The following GLRX3 variants were observed in gnomAD, a reference collection of about 807,000 sequenced individuals.
The protein encoded by GLRX3 is glutaredoxin-3.
A neutral mutation model predicts 49.5 loss-of-function variants in GLRX3; 22 were observed. The ratio of observed to expected loss-of-function variants is 0.44; its 90% CI spans 0.32 to 0.63. The LOEUF (loss-of-function observed/expected upper bound fraction) is 0.63. GLRX3 is among the 30% of genes least tolerant of loss of function. GLRX3 has a pLI of 0.05. For synonymous variants in GLRX3, 133 were observed against 140.0 expected, an observed-to-expected ratio of 0.95 and a Z score of 0.35; for missense variants, 385 against 396.3, an observed-to-expected ratio of 0.97 and a Z score of 0.24.
intron 10 of GLRX3, among the ~76,000 whole-genome samples, chr10:130,178,853 G>A (rs556882027): frequency 2.6e-5 from 4 of 151,988 alleles, no homozygotes; most frequent in Non-Finnish European, 5.9e-5. Flanking sequence ...ACAGGTGCCC[G>A]CCACCATGCC....
intron 7 of GLRX3, among the ~76,000 whole-genome samples, chr10:130,169,887 T>C (rs1317421932): frequency 1.3e-5 from 2 of 152,230 alleles, no homozygotes; most frequent in African/African-American, 4.8e-5. Flanking sequence ...GATCGTCCTT[T>C]TGTGACAGTG....
At chr10:130,162,273 A>C (rs1264976712) in intron 4 of GLRX3, among the ~76,000 whole-genome samples, 1 of 152,198 alleles carries the variant, frequency 6.6e-6, no homozygotes, top group Admixed American at 6.6e-5. Context: ...GTGAGCCACC[A>C]TGAATTCTGT....
At position 130,169,444 on chromosome 10, in the gene GLRX3, T is replaced by C; in HGVS notation, c.725T>C (p.Leu242Pro). Residue 242 changes from leucine (L) to proline (P), a missense_variant, in exon 7 of 11, where the codon CTG becomes CCG. Transcript: ENST00000331244. ...TTTTCTCTCTTTAGGCTCAAAGTGCTGACAAATAAAGCTTCTGTGATGCTC... is the reference window on the plus strand; with the variant it reads ...TTTTCTCTCTTTAGGCTCAAAGTGCCGACAAATAAAGCTTCTGTGATGCTC... The part of the protein sequence containing the change: ...APKLEERLKV[L>P]TNKASVMLFM... 6.2e-7 allele frequency: 1 copy of C among 1,610,382 alleles called. No individual in the cohort carries two copies. The highest frequency in any genetic ancestry group is 8.5e-7 in the Non-Finnish European group (1 of 1,176,564).
intron 10 of GLRX3, 78 bp from the exon 11 acceptor site, chr10:130,179,261 CATA>C (rs1178108536): frequency 2.8e-6 from 2 of 702,580 alleles, no homozygotes; most frequent in Non-Finnish European, 5.0e-6. Flanking sequence ...CTCAGATATA[CATA>C]CAAGCTGTGA....
intron 1 of GLRX3, among the ~76,000 whole-genome samples, chr10:130,138,076 G>A (rs930655432): frequency 2.0e-5 from 3 of 152,012 alleles, no homozygotes; most frequent in African/African-American, 7.2e-5. Flanking sequence ...GTTTGTTTTC[G>A]AGACAGGCTG....
chr10:130,176,419 CAAAAT>C, intron 10 of GLRX3, among the ~76,000 whole-genome samples: 1 of 152,226 alleles, frequency 6.6e-6, no homozygotes, highest in Non-Finnish European at 1.5e-5. Flanking sequence ...CGCGCCTGGC[CAAAAT>C]AAAAGTTTTT....
chr10:130,149,634 T>C (rs537001096), intron 2 of GLRX3, among the ~76,000 whole-genome samples: 73 of 152,224 alleles, frequency 4.8e-4, no homozygotes, highest in Admixed American at 9.2e-4. Context: ...TTGTTTGATA[T>C]AATCTTCCAA....
chr10:130,155,485 A>G (rs542799600), intron 2 of GLRX3, among the ~76,000 whole-genome samples: 1 of 152,262 alleles, frequency 6.6e-6, no homozygotes, highest in South Asian at 2.1e-4. Context: ...GTGGGATTAT[A>G]TTTTGGAAGG....
At chr10:130,171,152 A>AT (rs1366354506) in intron 7 of GLRX3, among the ~76,000 whole-genome samples, 6 of 151,952 alleles carry the variant, frequency 3.9e-5, no homozygotes, top group African/African-American at 1.4e-4. Context: ...AAATAAATAA[A>AT]ATAAAAAGAA....
chr10:130,161,968 G>A (rs530300996), intron 4 of GLRX3, among the ~76,000 whole-genome samples: 1 of 152,198 alleles, frequency 6.6e-6, no homozygotes, highest in East Asian at 1.9e-4. Flanking sequence ...TAAAAATAAA[G>A]TTTCATGATG....
At chr10:130,137,194 G>A (rs542623313) in intron 1 of GLRX3, among the ~76,000 whole-genome samples, 1 of 152,328 alleles carries the variant, frequency 6.6e-6, no homozygotes, top group Admixed American at 6.5e-5. Context: ...TGTAGTGAGA[G>A]TCTGTTCAGA....
intron 10 of GLRX3, among the ~76,000 whole-genome samples, chr10:130,175,646 G>A (rs1862902816): frequency 6.6e-6 from 1 of 152,224 alleles, no homozygotes; most frequent in Admixed American, 6.5e-5. Context: ...TATTTTAGGA[G>A]TTCAGTAAAT....
chr10:130,155,420 C>T (rs1226539292), intron 2 of GLRX3, among the ~76,000 whole-genome samples: 1 of 152,140 alleles, frequency 6.6e-6, no homozygotes, highest in African/African-American at 2.4e-5. Flanking sequence ...GAAGCAGGTA[C>T]CCCAGTTAGG....
chr10:130,148,846 C>G (rs1862317580), intron 2 of GLRX3, among the ~76,000 whole-genome samples: 2 of 151,824 alleles, frequency 1.3e-5, no homozygotes. Context: ...GAGGATTGTT[C>G]AAGGACAGGA....
chr10:130,141,631 G>A (rs1862176800), intron 1 of GLRX3, among the ~76,000 whole-genome samples: 1 of 152,176 alleles, frequency 6.6e-6, no homozygotes, highest in South Asian at 2.1e-4. Flanking sequence ...TTGTGTCATT[G>A]CTCATGTCTG....
intron 2 of GLRX3, among the ~76,000 whole-genome samples, chr10:130,148,332 T>A (rs1862306339): frequency 6.6e-6 from 1 of 151,804 alleles, no homozygotes; most frequent in Admixed American, 6.6e-5. Context: ...GGTTTCACCA[T>A]GTTGCTCAGG....
In GLRX3 at chr10:130,175,041, T is replaced by C; in HGVS notation, c.909T>C (p.Pro303=). Reference sequence around the variant, plus strand: ...CTTACTCAAATTGGCCAACATACCCTCAGCTGTATGTGAAAGGGGAGCTGG... The same window carrying C: ...CTTACTCAAATTGGCCAACATACCCCCAGCTGTATGTGAAAGGGGAGCTGG... ...LKAYSNWPTY[P]QLYVKGELVG... Residue 303 remains proline (P), a synonymous_variant, in exon 10 of 11, where the codon CCT becomes CCC. Coordinates refer to ENST00000331244, the MANE Select transcript of GLRX3 (RefSeq NM_006541.5). 1.2e-6 allele frequency: 2 copies of C among 1,607,232 alleles called. No homozygotes were observed. The highest frequency in any genetic ancestry group is 1.7e-6 in the Non-Finnish European group (2 of 1,173,930).
chr10:130,139,456 G>A (rs1205256061), intron 1 of GLRX3, among the ~76,000 whole-genome samples: 4 of 151,560 alleles, frequency 2.6e-5, no homozygotes, highest in African/African-American at 9.7e-5. Context: ...TGGCTAACAC[G>A]GTGAAACCCC....
rs575188499 is a variant in GLRX3 at position 130,151,447 on chromosome 10, G to A, written c.201+6128G>A. On this transcript the variant is annotated intron_variant, in intron 2 of 10. Coordinates refer to ENST00000331244, the MANE Select transcript of GLRX3 (RefSeq NM_006541.5). The stretch of plus-strand genomic sequence containing the variant: ...GCAGGTTCGTTACATAGGTATACAT[G>A]TGCCATGTTGGTTTGCTGTACCCAT... Among the ~76,000 whole-genome samples, 7 of 152,252 alleles carry A rather than the reference G, an allele frequency of 4.6e-5. No individual in the cohort carries two copies. The South Asian group carries it at 1.5e-3, about 32-fold the overall frequency.
Sources: gnomAD v4.1 joint callset for allele counts (sites outside exome capture counted in the v4.1 genomes callset) on GRCh38, gnomAD v4.1.1 for gene constraint, MANE v1.5 for transcripts, NCBI Gene and HGNC (gene_info 2026-07-23, HGNC 2026-07-21) for gene names.